The following DNAH11 variants were observed in gnomAD, a reference collection of about 807,000 sequenced individuals.
The protein encoded by DNAH11 is axonemal beta dynein heavy chain 11.
DNAH11 carries 442 observed loss-of-function variants against 526.0 expected under a neutral mutation model. That is an observed-to-expected ratio of 0.84 (90% CI 0.78 to 0.91). The LOEUF (loss-of-function observed/expected upper bound fraction) is 0.91. Among genes scored for constraint, DNAH11 ranks in the 40% least tolerant of loss-of-function variants. DNAH11 has a pLI of 0.00. For missense variants in DNAH11, 6,989 were observed against 5,448.7 expected (o/e 1.28, Z -8.90); for synonymous variants, 2,461 against 1,935.9 (o/e 1.27, Z -7.12).
At chr7:21,794,874 G>T (rs546045216) in intron 61 of DNAH11, among the ~76,000 whole-genome samples, 2 of 152,280 alleles carry the variant, frequency 1.3e-5, no homozygotes, top group East Asian at 3.9e-4. Flanking sequence ...ACTTTCTCCA[G>T]TGTAGGAACT....
At chr7:21,867,715 T>C in intron 71 of DNAH11, 144 bp from the exon 72 acceptor site, 1 of 688,694 alleles carries the variant, frequency 1.5e-6, no homozygotes, top group South Asian at 2.1e-5. Flanking sequence ...CTAGCTGGAT[T>C]CATATTGTTA....
At chr7:21,694,564 G>A (rs1366002224) in intron 35 of DNAH11, among the ~76,000 whole-genome samples, 1 of 152,172 alleles carries the variant, frequency 6.6e-6, no homozygotes, top group Non-Finnish European at 1.5e-5. Context: ...ATTCCATGGT[G>A]TGTATGTGCC....
chr7:21,760,448 C>T (rs564991666), intron 54 of DNAH11, among the ~76,000 whole-genome samples: 1 of 152,246 alleles, frequency 6.6e-6, no homozygotes. Context: ...CAGCTGACCT[C>T]GTAATCACAT....
Position 21,901,337 on chromosome 7 carries a change from A to ATTCTAACTTTTTAGTAACTCACACGT in DNAH11, c.*84_*109dup, listed in dbSNP as rs1249649373. On this transcript the variant is annotated 3_prime_UTR_variant, in exon 82 of 82. Transcript: ENST00000409508. ...TTGCTGCACTGTTCCCATGCACATT[A>ATTCTAACTTTTTAGTAACTCACACGT]TTCTAACTTTTTAGTAACTCACACG... 1.4e-6 allele frequency: 2 copies of ATTCTAACTTTTTAGTAACTCACACGT among 1,411,180 alleles called. No homozygotes were observed. Among genetic ancestry groups the ATTCTAACTTTTTAGTAACTCACACGT allele is most frequent in the Non-Finnish European group, 1.9e-6 (2 of 1,073,068 alleles). The allele number at this position is 1,411,180 out of a possible 1,614,324, so 87.4% of individuals were successfully genotyped here. A position where few individuals can be genotyped will look rare whatever the true frequency, so the allele number is the denominator to read the frequency against.
intron 54 of DNAH11, among the ~76,000 whole-genome samples, chr7:21,753,769 G>A (rs760147396): frequency 6.6e-6 from 1 of 151,956 alleles, no homozygotes; most frequent in African/African-American, 2.4e-5. Flanking sequence ...TTCTTGTTAA[G>A]CTTTTTCTAC....
In DNAH11 at chr7:21,741,925, A is replaced by G. The variant is rs1249801660; in HGVS notation, c.7915-2A>G. ...CACTCTTATATTTGCTTTTCTTTTC[A>G]GAGACATTTCACAGTGTTTGCATTC... is the stretch of plus-strand genomic sequence containing the variant. On this transcript the variant is annotated splice_acceptor_variant, in intron 48 of 81. Coordinates refer to ENST00000409508, the MANE Select transcript of DNAH11 (RefSeq NM_001277115.2). LOFTEE classifies it high-confidence loss of function. 6.2e-7 allele frequency: 1 copy of G among 1,613,314 alleles called. No individual in the cohort carries two copies. Among genetic ancestry groups the G allele is most frequent in the Non-Finnish European group, 8.5e-7 (1 of 1,179,532 alleles).
chr7:21,621,357 G>A (rs1786045733), intron 25 of DNAH11, among the ~76,000 whole-genome samples: 1 of 152,094 alleles, frequency 6.6e-6, no homozygotes, highest in Non-Finnish European at 1.5e-5. Flanking sequence ...AAGAGTCCAG[G>A]ACCAGATGGA....
intron 40 of DNAH11, among the ~76,000 whole-genome samples, chr7:21,708,342 A>T (rs888493098): frequency 2.0e-5 from 3 of 152,060 alleles, no homozygotes; most frequent in African/African-American, 7.2e-5. Flanking sequence ...CCTACATCCA[A>T]CCTCACAGCG....
intron 63 of DNAH11, among the ~76,000 whole-genome samples, chr7:21,812,815 C>T (rs866298874): frequency 6.6e-6 from 1 of 152,128 alleles, no homozygotes; most frequent in South Asian, 2.1e-4. Context: ...GCATTGATGC[C>T]TGTTGATGCT....
intron 4 of DNAH11, among the ~76,000 whole-genome samples, chr7:21,560,623 C>T (rs1164744980): frequency 6.6e-6 from 1 of 151,978 alleles, no homozygotes; most frequent in African/African-American, 2.4e-5. Flanking sequence ...CCAGAAGACT[C>T]AGGAAGTCTG....
At chr7:21,580,133 ATGAG>A (rs1784256081) in intron 8 of DNAH11, among the ~76,000 whole-genome samples, 1 of 152,278 alleles carries the variant, frequency 6.6e-6, no homozygotes, top group South Asian at 2.1e-4. Context: ...GTTTTCAGGA[ATGAG>A]TGAGTGAGAA....
chr7:21,604,868 CTCTG>C lies in DNAH11; in HGVS notation c.3649-1552_3649-1549del, dbSNP rs1400695936. 5.9e-5 allele frequency among the ~76,000 whole-genome samples: 9 copies of C among 152,258 alleles called. No homozygotes were observed. In the South Asian group the frequency reaches 1.2e-3, roughly 21 times the overall value. ...ATGGAATTGGAAATGCAAAGTGAGA[CTCTG>C]TCTGTACAGAGGGCGGATGCAGAGT... On this transcript the variant is annotated intron_variant, in intron 18 of 81. Transcript: ENST00000409508.
In DNAH11 at chr7:21,635,445, C is replaced by T. The variant is rs185962659; in HGVS notation, c.4501-426C>T. Among the ~76,000 whole-genome samples the T allele has an allele frequency of 6.2e-3, 944 of 152,226 alleles. 13 individuals carry two copies. Among genetic ancestry groups the T allele is most frequent in the African/African-American group, 0.021 (857 of 41,530 alleles). On this transcript the variant is annotated intron_variant, in intron 25 of 81. Transcript: ENST00000409508. ...TGCTGGGATTACAGGCGTGAGCCACCGTGCCCGGCCTATTTTTTTAAGATT... is the reference window on the plus strand; with the variant it reads ...TGCTGGGATTACAGGCGTGAGCCACTGTGCCCGGCCTATTTTTTTAAGATT...
intron 30 of DNAH11, among the ~76,000 whole-genome samples, chr7:21,663,693 T>C (rs912306674): frequency 1.3e-5 from 2 of 152,126 alleles, no homozygotes. Flanking sequence ...GTATTTGTTT[T>C]TCTATGCCTG....
rs1336741273 is a variant in DNAH11, at chr7:21,720,770, C to G, written c.7180C>G (p.Pro2394Ala). 1.9e-6 allele frequency: 3 copies of G among 1,599,354 alleles called. No homozygotes were observed. Among genetic ancestry groups the G allele is most frequent in the Non-Finnish European group, 2.6e-6 (3 of 1,172,206 alleles). Reference protein sequence around the residue: ...LECLLTPENVPSDSPKEVYEV... With the variant: ...LECLLTPENVASDSPKEVYEV... The stretch of plus-strand genomic sequence containing the variant: ...GTGCTTGCTGACTCCTGAAAATGTA[C>G]CTTCTGACAGCCCAAAAGAAGTTTA... The change falls in exon 44 of 82, where the codon CCT becomes GCT. Residue 2394 changes from proline to alanine, a missense_variant. Pro to Ala is a conservative substitution (Grantham distance 27). Transcript: ENST00000409508.
chr7:21,576,226 C>G (rs940333471), intron 8 of DNAH11, among the ~76,000 whole-genome samples: 6 of 152,310 alleles, frequency 3.9e-5, no homozygotes, highest in South Asian at 4.1e-4. Context: ...CCAAGAAGGA[C>G]AGCGATTCAT....
intron 68 of DNAH11, among the ~76,000 whole-genome samples, chr7:21,855,498 C>A (rs1234180148): frequency 6.6e-6 from 1 of 152,198 alleles, no homozygotes; most frequent in Non-Finnish European, 1.5e-5. Context: ...TTGGCTCATT[C>A]TTTATCCCTA....
intron 54 of DNAH11, among the ~76,000 whole-genome samples, 200 bp downstream of exon 54, chr7:21,750,564 G>A (rs890371215): frequency 2.0e-5 from 3 of 152,162 alleles, no homozygotes; most frequent in Non-Finnish European, 2.9e-5. Flanking sequence ...ATTGCTGAGC[G>A]GTGTGTGCAG....
chr7:21,808,319 T>C (rs1203445485), intron 63 of DNAH11, among the ~76,000 whole-genome samples: 1 of 152,232 alleles, frequency 6.6e-6, no homozygotes, highest in Non-Finnish European at 1.5e-5. Context: ...CTGTATACAA[T>C]GTGTAATGGT....
Sources: gnomAD v4.1 joint callset for allele counts (sites outside exome capture counted in the v4.1 genomes callset) on GRCh38, gnomAD v4.1.1 for gene constraint, MANE v1.5 for transcripts, NCBI Gene and HGNC (gene_info 2026-07-23, HGNC 2026-07-21) for gene names.